The following RBMS3 variants were observed in gnomAD, a reference collection of about 807,000 sequenced individuals.
The protein encoded by RBMS3 is RNA-binding motif, single-stranded-interacting protein 3.
RBMS3 carries 27 observed loss-of-function variants against 66.8 expected under a neutral mutation model. The observed-to-expected ratio is 0.40, with a 90% CI of 0.30 to 0.56. RBMS3 has a LOEUF of 0.56. Among genes scored for constraint, RBMS3 ranks in the 20% least tolerant of loss-of-function variants. RBMS3 has a pLI of 0.40. For missense variants in RBMS3, 513 were observed against 549.5 expected, an observed-to-expected ratio of 0.93 and a Z score of 0.66; for synonymous variants, 188 against 183.0, an observed-to-expected ratio of 1.03 and a Z score of -0.22.
At chr3:29,478,910 G>T (rs1252169320) in intron 2 of RBMS3, among the ~76,000 whole-genome samples, 2 of 152,162 alleles carry the variant, frequency 1.3e-5, no homozygotes, top group Non-Finnish European at 2.9e-5. Context: ...TATTTCCAAG[G>T]AATGTTGGTA....
chr3:29,868,802 TC>T, intron 6 of RBMS3, 55 bp from the exon 7 acceptor site: 1 of 1,388,400 alleles, frequency 7.2e-7, no homozygotes, highest in South Asian at 1.2e-5. Flanking sequence ...ACTCACATAA[TC>T]ACTTAGTTTT....
At chr3:29,429,803 ATTTAAAAGC>A (rs1457479673) in intron 1 of RBMS3, among the ~76,000 whole-genome samples, 2 of 152,194 alleles carry the variant, frequency 1.3e-5, no homozygotes, top group African/African-American at 4.8e-5. Context: ...CTCCAAAATG[ATTTAAAAGC>A]TAATCAATGA....
At chr3:29,529,612 TA>T (rs139791740) in intron 3 of RBMS3, among the ~76,000 whole-genome samples, 3,995 of 152,274 alleles carry the variant, frequency 0.026, 79 homozygotes, top group Middle Eastern at 0.071. Flanking sequence ...TTTTTAAATA[TA>T]AAATACATTT....
chr3:29,587,680 A>T (rs1390776202), intron 4 of RBMS3, among the ~76,000 whole-genome samples: 1 of 151,622 alleles, frequency 6.6e-6, no homozygotes, highest in African/African-American at 2.4e-5. Context: ...AGCTGGGGAG[A>T]GCTGATTGTT....
intron 1 of RBMS3, among the ~76,000 whole-genome samples, chr3:29,388,046 G>A (rs1016792849): frequency 1.3e-5 from 2 of 151,418 alleles, no homozygotes; most frequent in Non-Finnish European, 2.9e-5. Context: ...CACTCCATCA[G>A]AAATAACTTC....
At chr3:29,607,647 AT>A (rs1035521093) in intron 4 of RBMS3, among the ~76,000 whole-genome samples, 3 of 151,654 alleles carry the variant, frequency 2.0e-5, no homozygotes, top group South Asian at 2.1e-4. Context: ...TCTGAATTTG[AT>A]TTTTTTTCCC....
At chr3:29,532,196 G>T (rs2045375879) in intron 3 of RBMS3, among the ~76,000 whole-genome samples, 1 of 140,758 alleles carries the variant, frequency 7.1e-6, no homozygotes, top group African/African-American at 2.7e-5. Flanking sequence ...GATCATTCCT[G>T]ATCTATGTAT....
chr3:29,684,490 TA>T (rs570712762), intron 4 of RBMS3, among the ~76,000 whole-genome samples: 1 of 152,134 alleles, frequency 6.6e-6, no homozygotes, highest in Non-Finnish European at 1.5e-5. Flanking sequence ...ACTGTGGTGG[TA>T]AAAAAATAAC....
chr3:29,727,937 G>A (rs137861551), intron 4 of RBMS3, among the ~76,000 whole-genome samples: 1 of 152,282 alleles, frequency 6.6e-6, no homozygotes, highest in African/African-American at 2.4e-5. Context: ...ATTTACGATA[G>A]TAAAGACTTG....
intron 3 of RBMS3, among the ~76,000 whole-genome samples, chr3:29,570,083 G>A (rs1018969348): frequency 2.0e-5 from 3 of 151,928 alleles, no homozygotes; most frequent in African/African-American, 4.8e-5. Context: ...TTGGATGGTG[G>A]CATCATAGCT....
At chr3:29,483,234 TG>T (rs961030090) in intron 2 of RBMS3, among the ~76,000 whole-genome samples, 1 of 140,510 alleles carries the variant, frequency 7.1e-6, no homozygotes, top group South Asian at 2.2e-4. Context: ...GCGTGAACCC[TG>T]GAGGCGGAGC....
rs187472974 is a variant in RBMS3, at chr3:29,879,166, C to G, written c.745-4996C>G. Among the ~76,000 whole-genome samples the G allele has an allele frequency of 1.7e-3, 264 of 152,114 alleles. 1 individual carries two copies. The highest frequency in any genetic ancestry group is 6.2e-3 in the African/African-American group (258 of 41,498). On this transcript the variant is annotated intron_variant, in intron 7 of 14. Coordinates refer to ENST00000383767, the MANE Select transcript of RBMS3 (RefSeq NM_001003793.3). The stretch of plus-strand genomic sequence containing the variant: ...ATTCATTTTTAGTTTTATTTCCAGT[C>G]AGAGATATTTAAAATATTTGCTTTC...
chr3:29,842,638 G>T (rs1326383705), intron 6 of RBMS3, among the ~76,000 whole-genome samples: 1 of 152,134 alleles, frequency 6.6e-6, no homozygotes, highest in Non-Finnish European at 1.5e-5. Context: ...TCTCCAGAAC[G>T]TGTGAATATC....
intron 3 of RBMS3, among the ~76,000 whole-genome samples, chr3:29,509,491 G>T (rs983623842): frequency 2.0e-5 from 3 of 152,280 alleles, no homozygotes; most frequent in East Asian, 3.9e-4. Context: ...TGCCTAAGTT[G>T]CCATAACATG....
chr3:29,730,827 T>G lies in RBMS3; in HGVS notation c.400-8893T>G, dbSNP rs2054099484. ...TATATATTTGTGATATGGTAATATA[T>G]TAAAATAAAACTATAGAGAGATCTC... On this transcript the variant is annotated intron_variant, in intron 4 of 14. Transcript: ENST00000383767. The G allele has an allele frequency of 3.1e-6, 3 of 961,412 alleles. No individual in the cohort carries two copies. The East Asian group carries it at 3.5e-4, about 111-fold the overall frequency. 59.6% of individuals were successfully genotyped at this position (961,412 alleles called of 1,614,324 possible).
chr3:29,997,482 C>A (rs938694524), intron 14 of RBMS3, among the ~76,000 whole-genome samples: 1 of 147,482 alleles, frequency 6.8e-6, no homozygotes, highest in Non-Finnish European at 1.5e-5. Context: ...GAATTTGAGA[C>A]CGATATCCTT....
intron 3 of RBMS3, among the ~76,000 whole-genome samples, chr3:29,527,194 A>T (rs1447770189): frequency 1.3e-5 from 2 of 149,870 alleles, no homozygotes; most frequent in African/African-American, 4.9e-5. Context: ...AAAAAAAAAA[A>T]AAAAAAAAAA....
intron 5 of RBMS3, among the ~76,000 whole-genome samples, chr3:29,748,601 C>T (rs1045271209): frequency 2.6e-5 from 4 of 152,062 alleles, no homozygotes; most frequent in Admixed American, 1.3e-4. Context: ...TAATTAGGAA[C>T]AAAAATGCCT....
chr3:29,307,533 T>C (rs2034093777), intron 1 of RBMS3, among the ~76,000 whole-genome samples: 1 of 151,850 alleles, frequency 6.6e-6, no homozygotes, highest in East Asian at 1.9e-4. Flanking sequence ...CAGGAAAATG[T>C]AAGTGATTCA....
Sources: gnomAD v4.1 joint callset for allele counts (sites outside exome capture counted in the v4.1 genomes callset) on GRCh38, gnomAD v4.1.1 for gene constraint, MANE v1.5 for transcripts, NCBI Gene and HGNC (gene_info 2026-07-23, HGNC 2026-07-21) for gene names.